The following GPHN variants were observed in gnomAD, a reference collection of about 807,000 sequenced individuals.
The protein encoded by GPHN is gephyrin.
GPHN carries 17 observed loss-of-function variants against 95.5 expected under a neutral mutation model. The ratio of observed to expected loss-of-function variants is 0.18; its 90% CI spans 0.12 to 0.27. The LOEUF (loss-of-function observed/expected upper bound fraction) is 0.27. Among genes scored for constraint, GPHN ranks in the 10% least tolerant of loss-of-function variants. GPHN has a pLI of 1.00. For missense variants in GPHN, 660 were observed against 978.1 expected, an observed-to-expected ratio of 0.67 and a Z score of 4.34; for synonymous variants, 320 against 322.5, an observed-to-expected ratio of 0.99 and a Z score of 0.08.
chr14:67,634,430 CAAAAAAAAAA>C, the GPHN span, among the ~76,000 whole-genome samples: 1 of 114,474 alleles, frequency 8.7e-6, no homozygotes, highest in African/African-American at 3.2e-5. Flanking sequence ...CTATCTCTAC[CAAAAAAAAAA>C]AAAAAAAAAA....
chr14:66,777,082 A>AT (rs1446061921), intron 3 of GPHN, among the ~76,000 whole-genome samples: 3 of 147,478 alleles, frequency 2.0e-5, no homozygotes, highest in South Asian at 2.1e-4. Flanking sequence ...AGCAAGACTA[A>AT]TAAAAAAAAA....
chr14:66,832,398 C>T (rs1281783749), intron 4 of GPHN, among the ~76,000 whole-genome samples: 1 of 152,122 alleles, frequency 6.6e-6, no homozygotes, highest in Non-Finnish European at 1.5e-5. Context: ...TATGGTAGCT[C>T]CAAATACTTT....
chr14:67,668,053 T>C, the GPHN span, among the ~76,000 whole-genome samples: 2 of 152,190 alleles, frequency 1.3e-5, no homozygotes, highest in African/African-American at 4.8e-5. Flanking sequence ...TACTCCATAG[T>C]GACTATTTTT....
At chr14:67,409,500 A>T in the GPHN span, among the ~76,000 whole-genome samples, 260 of 152,332 alleles carry the variant, frequency 1.7e-3, 2 homozygotes, top group African/African-American at 6.2e-3. Flanking sequence ...TTGCAATGTT[A>T]TTCACAATAT....
At chr14:66,825,513 A>G (rs1566984929) in intron 4 of GPHN, among the ~76,000 whole-genome samples, 1 of 150,780 alleles carries the variant, frequency 6.6e-6, no homozygotes, top group Non-Finnish European at 1.5e-5. Flanking sequence ...AAATTGCTTG[A>G]CCCCCCACCC....
intron 10 of GPHN, among the ~76,000 whole-genome samples, chr14:67,043,604 T>C (rs1333177535): frequency 6.6e-6 from 1 of 152,218 alleles, no homozygotes; most frequent in Admixed American, 6.5e-5. Context: ...GATAAGATTT[T>C]TGATGTGCTG....
At chr14:66,635,860 C>A (rs990458101) in intron 1 of GPHN, among the ~76,000 whole-genome samples, 1 of 151,720 alleles carries the variant, frequency 6.6e-6, no homozygotes, top group African/African-American at 2.4e-5. Flanking sequence ...GATTTTAGGC[C>A]GGGCACGGTG....
At chr14:67,562,787 G>A in the GPHN span, 1 of 1,613,796 alleles carries the variant, frequency 6.2e-7, no homozygotes, top group Non-Finnish European at 8.5e-7. Flanking sequence ...ACCCCCAGCA[G>A]GGAAGAATGA....
chr14:67,651,444 AGAT>A, the GPHN span: 4 of 1,614,012 alleles, frequency 2.5e-6, no homozygotes, highest in African/African-American at 4.0e-5. Context: ...AGCTCCAGTA[AGAT>A]GATAATGGAA....
At chr14:66,940,722 C>T (rs1227688164) in intron 8 of GPHN, among the ~76,000 whole-genome samples, 1 of 152,190 alleles carries the variant, frequency 6.6e-6, no homozygotes, top group Non-Finnish European at 1.5e-5. Context: ...CTCTGGATTC[C>T]TCAGATCTAG....
At chr14:66,670,651 G>A (rs1456159806) in intron 1 of GPHN, among the ~76,000 whole-genome samples, 1 of 152,158 alleles carries the variant, frequency 6.6e-6, no homozygotes, top group East Asian at 1.9e-4. Flanking sequence ...ATTTAGCTGG[G>A]CATGGTGGCG....
the GPHN span, among the ~76,000 whole-genome samples, chr14:67,386,738 G>A: frequency 4.6e-5 from 7 of 152,096 alleles, no homozygotes; most frequent in Admixed American, 1.3e-4. Flanking sequence ...TCGTATACGT[G>A]ATTATGTTCT....
At chr14:67,640,442 G>T in the GPHN span, among the ~76,000 whole-genome samples, 1 of 152,112 alleles carries the variant, frequency 6.6e-6, no homozygotes, top group Non-Finnish European at 1.5e-5. Context: ...CAATTCCTTG[G>T]TTGGCCTCAT....
At chr14:67,438,465 GC>G in the GPHN span, among the ~76,000 whole-genome samples, 2,184 of 152,248 alleles carry the variant, frequency 0.014, 59 homozygotes, top group African/African-American at 0.05. Flanking sequence ...TCAAATCCTA[GC>G]CAGCTATGTG....
At chr14:66,648,733 G>A (rs1249558245) in intron 1 of GPHN, among the ~76,000 whole-genome samples, 3 of 152,182 alleles carry the variant, frequency 2.0e-5, no homozygotes, top group African/African-American at 7.2e-5. Flanking sequence ...ATGCATGACT[G>A]TATAAGAAAC....
intron 1 of GPHN, among the ~76,000 whole-genome samples, chr14:66,546,790 A>G (rs1403641270): frequency 2.0e-5 from 1 of 50,780 alleles, no homozygotes; most frequent in Non-Finnish European, 3.7e-5. Context: ...GACCGTGGGG[A>G]GAGGGAGAGG....
the GPHN span, chr14:67,659,946 C>T: frequency 1.2e-6 from 2 of 1,603,246 alleles, no homozygotes; most frequent in Admixed American, 1.7e-5. Context: ...AAGTAGTGAG[C>T]AGATAGCCTG....
chr14:66,619,055 CGTAA>C (rs752773090), intron 1 of GPHN, among the ~76,000 whole-genome samples: 19 of 152,052 alleles, frequency 1.2e-4, no homozygotes, highest in Admixed American at 6.6e-4. Flanking sequence ...CTTCACTCAG[CGTAA>C]GTATTTGGAG....
At chr14:67,323,901 T>C in the GPHN span, 3 of 682,496 alleles carry the variant, frequency 4.4e-6, no homozygotes, top group Non-Finnish European at 7.5e-6. Flanking sequence ...AAAGCTACAT[T>C]AGCTTGAGCT....
Sources: gnomAD v4.1 joint callset for allele counts (sites outside exome capture counted in the v4.1 genomes callset) on GRCh38, gnomAD v4.1.1 for gene constraint, MANE v1.5 for transcripts, NCBI Gene and HGNC (gene_info 2026-07-23, HGNC 2026-07-21) for gene names.